Variants in POR observed in about 807,000 individuals in gnomAD.
The protein encoded by POR is NADPH--cytochrome P450 reductase.
POR carries 56 observed loss-of-function variants against 84.0 expected under a neutral mutation model. The ratio of observed to expected loss-of-function variants is 0.67; its 90% CI spans 0.54 to 0.83. POR has a LOEUF of 0.83. POR is among the 40% of genes least tolerant of loss of function. The pLI is 0.00. For missense variants in POR, 938 were observed against 944.3 expected (o/e 0.99, Z 0.09); for synonymous variants, 414 against 400.5 (o/e 1.03, Z -0.40).
At chr7:75,948,249 C>G (rs1034131345) in intron 1 of POR, among the ~76,000 whole-genome samples, 3 of 152,216 alleles carry the variant, frequency 2.0e-5, no homozygotes, top group Non-Finnish European at 4.4e-5. Flanking sequence ...CCGCACCTGT[C>G]TTCTCTCAGA....
rs781807863 is a variant in POR, at chr7:75,980,502, A to G, written c.516+14A>G. The G allele has an allele frequency of 6.2e-7, 1 of 1,612,704 alleles. No individual in the cohort carries two copies. The highest frequency in any genetic ancestry group is 8.5e-7 in the Non-Finnish European group (1 of 1,179,806). Reference sequence around the variant, plus strand: ...GTCAAGTTCGCGGTGAGTCACCCAGAGACTGCTATGGGCTCCCGGTGGCCT... The same window carrying G: ...GTCAAGTTCGCGGTGAGTCACCCAGGGACTGCTATGGGCTCCCGGTGGCCT... On this transcript the variant is annotated intron_variant, in intron 5 of 15. Transcript: ENST00000461988.
intron 1 of POR, among the ~76,000 whole-genome samples, chr7:75,920,630 G>T (rs1328730898): frequency 6.6e-6 from 1 of 152,086 alleles, no homozygotes; most frequent in African/African-American, 2.4e-5. Context: ...CTCTGCGGTG[G>T]TGATGCCGGT....
At chr7:75,968,412 C>G (rs1221453611) in intron 2 of POR, 2 of 387,896 alleles carry the variant, frequency 5.2e-6, no homozygotes, top group Non-Finnish European at 1.1e-5. Context: ...GGACTGGAGA[C>G]CAGGAAGGCC....
At chr7:75,926,746 G>A (rs1352904415) in intron 1 of POR, among the ~76,000 whole-genome samples, 2 of 152,088 alleles carry the variant, frequency 1.3e-5, no homozygotes, top group South Asian at 2.1e-4. Context: ...GTGAGCTGAG[G>A]TTGCGCCATT....
intron 1 of POR, among the ~76,000 whole-genome samples, chr7:75,948,131 G>C (rs887076980): frequency 3.9e-5 from 6 of 152,286 alleles, no homozygotes; most frequent in African/African-American, 1.4e-4. Flanking sequence ...AGCACAGCCC[G>C]GTGGGAAGCT....
Position 75,979,544 on chromosome 7 carries a change from C to T in POR, c.331C>T (p.Arg111Ter), listed in dbSNP as rs1181572912. Residue 111 changes from arginine (R) to a stop codon, truncating the protein, a stop_gained, in exon 4 of 16, where the codon CGA (arginine) becomes TGA (stop). Transcript: ENST00000461988. LOFTEE classifies it high-confidence loss of function. ...CAAGGACGCCCACCGCTACGGGATGCGAGGCATGTCAGCGGACCCTGAGGA... is the reference window on the plus strand; with the variant it reads ...CAAGGACGCCCACCGCTACGGGATGTGAGGCATGTCAGCGGACCCTGAGGA... 4 of 1,613,550 alleles carry T rather than the reference C, an allele frequency of 2.5e-6. No individual in the cohort carries two copies. Among genetic ancestry groups the T allele is most frequent in the Non-Finnish European group, 3.4e-6 (4 of 1,179,826 alleles).
At chr7:75,983,421 T>G in intron 8 of POR, 99 bp from the exon 9 acceptor site, 16 of 814,220 alleles carry the variant, frequency 2.0e-5, no homozygotes, top group Non-Finnish European at 2.5e-5. Flanking sequence ...TGGAGATCTC[T>G]GAGATTCCCT....
chr7:75,927,220 T>C (rs1349837424), intron 1 of POR, among the ~76,000 whole-genome samples: 1 of 152,074 alleles, frequency 6.6e-6, no homozygotes, highest in African/African-American at 2.4e-5. Flanking sequence ...TAAAAACAAA[T>C]CAGGGCCGGG....
chr7:75,942,243 GA>G (rs1554551604), intron 1 of POR, among the ~76,000 whole-genome samples: 1 of 152,118 alleles, frequency 6.6e-6, no homozygotes, highest in Non-Finnish European at 1.5e-5. Context: ...ACAAAAAACA[GA>G]AAACAATTTT....
In POR at chr7:75,915,187, C is replaced by T. The variant is rs1040331805; in HGVS notation, c.-5+8C>T. 1.3e-5 allele frequency: 2 copies of T among 154,472 alleles called. No individual in the cohort carries two copies. Among genetic ancestry groups the T allele is most frequent in the Middle Eastern group, 5.6e-4 (1 of 1,784 alleles). 9.6% of individuals were successfully genotyped at this position (154,472 alleles called of 1,614,324 possible). On this transcript the variant is annotated splice_region_variant and intron_variant, in intron 1 of 15. Coordinates refer to ENST00000461988, the MANE Select transcript of POR (RefSeq NM_000941.3). ...GCAGCCGGGCTGCCAGCGGTGAGTG[C>T]TATCTTTCGCGGCGACGGCGGGGTG...
chr7:75,937,305 A>C (rs1378771628), intron 1 of POR, among the ~76,000 whole-genome samples: 9 of 150,664 alleles, frequency 6.0e-5, no homozygotes, highest in African/African-American at 1.5e-4. Context: ...AAAAAAAAAA[A>C]AACAAAAAAA....
intron 10 of POR, among the ~76,000 whole-genome samples, chr7:75,984,247 G>C (rs1488992752): frequency 6.6e-6 from 1 of 152,126 alleles, no homozygotes; most frequent in African/African-American, 2.4e-5. Flanking sequence ...GCCCTCCCAG[G>C]CCCCCAAGGG....
At chr7:75,977,045 G>T (rs563431369) in intron 3 of POR, among the ~76,000 whole-genome samples, 2 of 152,182 alleles carry the variant, frequency 1.3e-5, no homozygotes, top group East Asian at 3.9e-4. Flanking sequence ...TAGAGACAGG[G>T]TTTTGCCATG....
At chr7:75,967,825 C>T in intron 2 of POR, 1 of 344,194 alleles carries the variant, frequency 2.9e-6, no homozygotes, top group South Asian at 2.2e-5. Context: ...AATCCTGAGT[C>T]CTGCCTGCTG....
intron 1 of POR, among the ~76,000 whole-genome samples, chr7:75,925,048 C>G (rs1807050310): frequency 6.6e-6 from 1 of 152,126 alleles, no homozygotes; most frequent in African/African-American, 2.4e-5. Context: ...AGCTGAGAGC[C>G]TAGTAATTGA....
chr7:75,962,240 C>T (rs1035146006), intron 2 of POR, among the ~76,000 whole-genome samples: 1 of 152,094 alleles, frequency 6.6e-6, no homozygotes, highest in African/African-American at 2.4e-5. Context: ...ATAAATCTTT[C>T]GTTTGGGAGA....
At chr7:75,970,684 A>G (rs1326884073) in intron 2 of POR, among the ~76,000 whole-genome samples, 1 of 151,372 alleles carries the variant, frequency 6.6e-6, no homozygotes, top group Non-Finnish European at 1.5e-5. Flanking sequence ...TCTTCTTGGA[A>G]GTTGCAGTGA....
intron 1 of POR, among the ~76,000 whole-genome samples, chr7:75,931,713 T>C (rs1244095902): frequency 1.3e-5 from 2 of 152,090 alleles, no homozygotes; most frequent in Non-Finnish European, 2.9e-5. Context: ...CTTCTGGCCT[T>C]GGTGTGTGCT....
intron 1 of POR, among the ~76,000 whole-genome samples, chr7:75,930,728 G>A (rs1807371699): frequency 6.6e-6 from 1 of 152,116 alleles, no homozygotes; most frequent in Admixed American, 6.5e-5. Context: ...CTCCATGTTG[G>A]TTAGGCTGGT....
Sources: gnomAD v4.1 joint callset for allele counts (sites outside exome capture counted in the v4.1 genomes callset) on GRCh38, gnomAD v4.1.1 for gene constraint, MANE v1.5 for transcripts, NCBI Gene and HGNC (gene_info 2026-07-23, HGNC 2026-07-21) for gene names.